LRRC49: variants seen among roughly 807,000 people sequenced by gnomAD.
LRRC49 encodes the protein leucine-rich repeat-containing protein 49.
LRRC49 carries 50 observed loss-of-function variants against 83.3 expected under a neutral mutation model. The observed-to-expected ratio is 0.60, with a 90% CI of 0.48 to 0.76. The LOEUF (loss-of-function observed/expected upper bound fraction) is 0.76, where lower values mean the gene tolerates loss of function less well. Ranked by LOEUF, LRRC49 falls within the 30% of genes least tolerant of loss-of-function variation. The pLI, the probability that LRRC49 is intolerant of heterozygous loss-of-function variation, is 0.00. For synonymous variants in LRRC49, 286 were observed against 283.3 expected (o/e 1.01, Z -0.10); for missense variants, 704 against 809.1 (o/e 0.87, Z 1.58).
At chr15:71,040,455 G>A (rs192624219) in intron 15 of LRRC49, among the ~76,000 whole-genome samples, 1 of 152,228 alleles carries the variant, frequency 6.6e-6, no homozygotes, top group Admixed American at 6.5e-5. Flanking sequence ...TCCCTCATCA[G>A]TTGACTTTGA....
chr15:70,909,667 C>T (rs148311998), intron 5 of LRRC49, among the ~76,000 whole-genome samples: 293 of 152,138 alleles, frequency 1.9e-3, no homozygotes, highest in African/African-American at 6.6e-3. Context: ...GGTGAAACCC[C>T]GTCTCTACCA....
chr15:70,873,302 A>G, intron 2 of LRRC49: 1 of 1,396,842 alleles, frequency 7.2e-7, no homozygotes, highest in Non-Finnish European at 9.8e-7. Flanking sequence ...AAAACATCAT[A>G]TACGGTCAAA....
chr15:70,876,598 A>G (rs1257153689), intron 2 of LRRC49, among the ~76,000 whole-genome samples: 2 of 152,302 alleles, frequency 1.3e-5, no homozygotes, highest in African/African-American at 4.8e-5. Flanking sequence ...TCCTTCTTAT[A>G]GTACTAATAG....
chr15:70,950,943 A>C (rs938795838), intron 8 of LRRC49, among the ~76,000 whole-genome samples: 3 of 152,024 alleles, frequency 2.0e-5, no homozygotes, highest in African/African-American at 7.2e-5. Flanking sequence ...GTATATGGTG[A>C]GAGGAAGGGG....
chr15:70,862,453 C>T (rs1207030413), intron 1 of LRRC49, among the ~76,000 whole-genome samples: 1 of 151,786 alleles, frequency 6.6e-6, no homozygotes, highest in East Asian at 1.9e-4. Flanking sequence ...TGGCACGTGC[C>T]TGTAGTCCCA....
chr15:71,030,641 T>C (rs887014367), intron 14 of LRRC49, among the ~76,000 whole-genome samples: 3 of 152,162 alleles, frequency 2.0e-5, no homozygotes, highest in Non-Finnish European at 4.4e-5. Context: ...ACTCCTTCAC[T>C]TTCAGGTACA....
At chr15:70,955,018 G>A (rs563713835) in intron 8 of LRRC49, among the ~76,000 whole-genome samples, 74 of 152,054 alleles carry the variant, frequency 4.9e-4, no homozygotes, top group Admixed American at 9.2e-4. Context: ...CGTTGTGGCC[G>A]GGAGGCACTC....
At chr15:71,034,065 C>G (rs941406836) in intron 14 of LRRC49, among the ~76,000 whole-genome samples, 1 of 152,100 alleles carries the variant, frequency 6.6e-6, no homozygotes, top group Non-Finnish European at 1.5e-5. Context: ...AGCTTCTGCA[C>G]AGCAAAAGAA....
At chr15:71,018,335 A>G (rs943268919) in intron 14 of LRRC49, among the ~76,000 whole-genome samples, 1 of 152,154 alleles carries the variant, frequency 6.6e-6, no homozygotes, top group African/African-American at 2.4e-5. Flanking sequence ...TGAAAAGAGT[A>G]GTTTTTGAGT....
intron 14 of LRRC49, among the ~76,000 whole-genome samples, chr15:71,014,372 TA>T (rs1403167148): frequency 6.6e-6 from 1 of 152,106 alleles, no homozygotes; most frequent in Non-Finnish European, 1.5e-5. Flanking sequence ...TTGTGTGTAT[TA>T]AAATATTAAG....
At chr15:70,992,469 C>T (rs191910641) in intron 11 of LRRC49, among the ~76,000 whole-genome samples, 3 of 152,302 alleles carry the variant, frequency 2.0e-5, no homozygotes, top group East Asian at 3.9e-4. Flanking sequence ...ATGATGGTGA[C>T]GTACAGATGG....
intron 11 of LRRC49, among the ~76,000 whole-genome samples, chr15:70,989,131 C>T (rs1045759476): frequency 2.3e-4 from 35 of 152,162 alleles, no homozygotes; most frequent in African/African-American, 1.9e-4. Context: ...TTGCTCTTCT[C>T]GAGGAGTATC....
intron 15 of LRRC49, among the ~76,000 whole-genome samples, chr15:71,037,841 A>G (rs1262924250): frequency 6.6e-6 from 1 of 152,168 alleles, no homozygotes; most frequent in Non-Finnish European, 1.5e-5. Context: ...ATAGCTACTT[A>G]GCCAGGAAAA....
chr15:70,942,615 T>C (rs2035860648), intron 8 of LRRC49, among the ~76,000 whole-genome samples: 1 of 152,178 alleles, frequency 6.6e-6, no homozygotes, highest in Non-Finnish European at 1.5e-5. Flanking sequence ...CTGTAAAATA[T>C]TTGAAGAGAT....
At chr15:70,945,518 C>CGTGT (rs1567063903) in intron 8 of LRRC49, among the ~76,000 whole-genome samples, 2 of 84,200 alleles carry the variant, frequency 2.4e-5, no homozygotes, top group African/African-American at 8.3e-5. Flanking sequence ...TATTTAACAA[C>CGTGT]CTGTGTGTGT....
intron 2 of LRRC49, among the ~76,000 whole-genome samples, chr15:70,887,386 A>AT (rs1451605693): frequency 6.6e-6 from 1 of 152,140 alleles, no homozygotes; most frequent in Non-Finnish European, 1.5e-5. Context: ...TTTAGCTAAT[A>AT]TTTTATTAAG....
chr15:70,871,971 G>A (rs376892201), intron 1 of LRRC49, among the ~76,000 whole-genome samples: 2 of 151,972 alleles, frequency 1.3e-5, no homozygotes, highest in Admixed American at 1.3e-4. Flanking sequence ...AGGCAGAGAC[G>A]CTCCTCACTT....
chr15:70,872,993 C>A (rs1053142880), exon 2 of LRRC49: 1 of 499,704 alleles, frequency 2.0e-6, no homozygotes, highest in African/African-American at 2.0e-5. Flanking sequence ...TCAAGCAATT[C>A]TCTGCCTCAG....
chr15:70,890,701 A>C (rs1228411802), upstream of LRRC49, among the ~76,000 whole-genome samples: 5 of 152,200 alleles, frequency 3.3e-5, no homozygotes, highest in Non-Finnish European at 7.3e-5. Context: ...GCTGATTTTT[A>C]AGGGAAAAAG....
Sources: allele counts gnomAD v4.1 joint callset (sites outside exome capture counted in the v4.1 genomes callset), GRCh38; gene constraint gnomAD v4.1.1; transcripts MANE v1.5; gene names NCBI Gene and HGNC (gene_info 2026-07-23, HGNC 2026-07-21).